WWOX: variants seen among roughly 807,000 people sequenced by gnomAD.
WWOX encodes the protein WW domain containing oxidoreductase.
Under a neutral mutation model 46.2 loss-of-function variants are expected in WWOX, and 69 were observed. The ratio of observed to expected loss-of-function variants is 1.49; its 90% CI spans 1.23 to 1.82. WWOX has a LOEUF of 1.82. Among genes scored for constraint, WWOX ranks in the 40% most tolerant of loss-of-function variants. The probability of loss-of-function intolerance (pLI) is 0.00; values close to 1 mark genes in which losing one functional copy is unlikely to be tolerated. For missense variants in WWOX, 919 were observed against 542.6 expected, an observed-to-expected ratio of 1.69 and a Z score of -6.89; for synonymous variants, 359 against 202.6, an observed-to-expected ratio of 1.77 and a Z score of -6.56.
At chr16:79,169,363 T>A (rs1036106341) in intron 8 of WWOX, among the ~76,000 whole-genome samples, 1 of 152,194 alleles carries the variant, frequency 6.6e-6, no homozygotes, top group Non-Finnish European at 1.5e-5. Flanking sequence ...CCACAACAAC[T>A]GCGTGGCTGC....
intron 4 of WWOX, chr16:78,123,455 G>GTTTTTTTTTTTGTTTTTTTTTTTT (rs2033213691): frequency 1.5e-5 from 1 of 65,532 alleles, no homozygotes; most frequent in Non-Finnish European, 2.8e-5. Context: ...TTTTTTTTTT[G>GTTTTTTTTTTTGTTTTTTTTTTTT]TTTTTTTTTT....
chr16:79,134,683 A>G (rs1201940491), intron 8 of WWOX, among the ~76,000 whole-genome samples: 1 of 152,198 alleles, frequency 6.6e-6, no homozygotes, highest in Non-Finnish European at 1.5e-5. Flanking sequence ...TCACAAGGAC[A>G]TTCTTATAGA....
intron 8 of WWOX, among the ~76,000 whole-genome samples, chr16:79,129,782 C>T (rs1028416978): frequency 2.0e-5 from 3 of 152,140 alleles, no homozygotes; most frequent in African/African-American, 4.8e-5. Context: ...CATTCAAAGA[C>T]AGTCACAGTC....
chr16:79,152,694 A>G (rs984056302), intron 8 of WWOX, among the ~76,000 whole-genome samples: 1 of 151,172 alleles, frequency 6.6e-6, no homozygotes, highest in Non-Finnish European at 1.5e-5. Context: ...AAAAACAAAA[A>G]CCTGCCCTGC....
At chr16:78,656,522 G>A (rs1415926402) in intron 8 of WWOX, among the ~76,000 whole-genome samples, 1 of 152,186 alleles carries the variant, frequency 6.6e-6, no homozygotes, top group African/African-American at 2.4e-5. Context: ...GGAGTAGGAG[G>A]CAAGGAGCGA....
At chr16:78,647,307 C>T (rs2046866612) in intron 8 of WWOX, among the ~76,000 whole-genome samples, 1 of 152,144 alleles carries the variant, frequency 6.6e-6, no homozygotes, top group African/African-American at 2.4e-5. Context: ...GCTGGCCCGG[C>T]CCAGGCGAGG....
chr16:78,888,371 G>T (rs2044513044), intron 8 of WWOX, among the ~76,000 whole-genome samples: 1 of 152,176 alleles, frequency 6.6e-6, no homozygotes. Context: ...CCCAGAGGCA[G>T]CTCCCTTGGC....
intron 8 of WWOX, among the ~76,000 whole-genome samples, chr16:78,861,742 T>G (rs2043889995): frequency 6.6e-6 from 1 of 152,222 alleles, no homozygotes; most frequent in Admixed American, 6.5e-5. Context: ...CTTTAACTCA[T>G]TTCCTTCTTT....
At chr16:78,353,303 G>C (rs544760019) in intron 5 of WWOX, among the ~76,000 whole-genome samples, 2 of 152,312 alleles carry the variant, frequency 1.3e-5, no homozygotes, top group South Asian at 4.1e-4. Context: ...GGAAAATCAA[G>C]TAAATCGAGA....
At chr16:78,210,462 C>T (rs941643334) in intron 5 of WWOX, among the ~76,000 whole-genome samples, 3 of 152,122 alleles carry the variant, frequency 2.0e-5, no homozygotes, top group African/African-American at 7.2e-5. Flanking sequence ...AATTTACCCA[C>T]AGTTGAAACC....
chr16:78,141,317 T>A (rs1338686718), intron 4 of WWOX, among the ~76,000 whole-genome samples: 2 of 152,140 alleles, frequency 1.3e-5, no homozygotes, highest in Non-Finnish European at 2.9e-5. Context: ...GTCTGTTTTG[T>A]CAAGTATACA....
At chr16:79,068,779 G>A (rs940179285) in intron 8 of WWOX, among the ~76,000 whole-genome samples, 1 of 150,932 alleles carries the variant, frequency 6.6e-6, no homozygotes, top group African/African-American at 2.4e-5. Context: ...CCACTGCCCT[G>A]CAGCCTGAGC....
intron 8 of WWOX, among the ~76,000 whole-genome samples, chr16:78,475,318 C>G (rs538280163): frequency 6.6e-6 from 1 of 152,316 alleles, no homozygotes; most frequent in East Asian, 1.9e-4. Flanking sequence ...TTTGGGCTCT[C>G]CTTGTTCACC....
chr16:78,194,475 C>T (rs1159208508), intron 5 of WWOX, among the ~76,000 whole-genome samples: 1 of 150,832 alleles, frequency 6.6e-6, no homozygotes, highest in East Asian at 2.0e-4. Context: ...GTATTCCCAG[C>T]TACTCGGGAT....
At chr16:78,645,011 A>G (rs1486722378) in intron 8 of WWOX, among the ~76,000 whole-genome samples, 1 of 152,208 alleles carries the variant, frequency 6.6e-6, no homozygotes, top group African/African-American at 2.4e-5. Flanking sequence ...GATGAAGGAA[A>G]TCATTAAATA....
At chr16:79,137,298 C>T (rs142560031) in intron 8 of WWOX, among the ~76,000 whole-genome samples, 1,771 of 152,258 alleles carry the variant, frequency 0.012, 112 homozygotes, top group Admixed American at 0.099. Flanking sequence ...ACATGGAGAA[C>T]GAGCTGAGGA....
intron 8 of WWOX, among the ~76,000 whole-genome samples, chr16:78,659,981 G>C (rs12929743): frequency 0.22 from 33,176 of 151,948 alleles, 3,716 homozygotes; most frequent in Non-Finnish European, 0.23. Flanking sequence ...GTAATTGTAG[G>C]GCTCATCAGT....
intron 1 of WWOX, among the ~76,000 whole-genome samples, chr16:78,102,591 C>T (rs746644398): frequency 3.9e-5 from 6 of 152,224 alleles, no homozygotes; most frequent in Non-Finnish European, 8.8e-5. Flanking sequence ...TGGGGAAAGG[C>T]TCCTTCTCAT....
chr16:78,675,746 G>A (rs1218003946), intron 8 of WWOX, among the ~76,000 whole-genome samples: 1 of 152,186 alleles, frequency 6.6e-6, no homozygotes, highest in African/African-American at 2.4e-5. Flanking sequence ...GGGCAAGACA[G>A]AAGGATTGCT....
Sources: gnomAD v4.1 joint callset for allele counts (sites outside exome capture counted in the v4.1 genomes callset) on GRCh38, gnomAD v4.1.1 for gene constraint, MANE v1.5 for transcripts, NCBI Gene and HGNC (gene_info 2026-07-23, HGNC 2026-07-21) for gene names.